Variants in DOCK3 observed in about 807,000 individuals in gnomAD.
DOCK3 encodes the protein dedicator of cytokinesis protein 3.
In DOCK3, 60 loss-of-function variants were observed where a neutral mutation model predicts 265.6. That is an observed-to-expected ratio of 0.23 (90% CI 0.18 to 0.28). The LOEUF is 0.28. DOCK3 is among the 10% of genes least tolerant of loss of function. The probability of loss-of-function intolerance (pLI) is 1.00; values close to 1 mark genes in which losing one functional copy is unlikely to be tolerated. For synonymous variants in DOCK3, 881 were observed against 938.0 expected, an observed-to-expected ratio of 0.94 and a Z score of 1.11; for missense variants, 1,981 against 2,594.3, an observed-to-expected ratio of 0.76 and a Z score of 5.14.
intron 5 of DOCK3, among the ~76,000 whole-genome samples, chr3:50,955,172 C>CA (rs921559313): frequency 1.3e-5 from 2 of 151,502 alleles, no homozygotes; most frequent in South Asian, 4.2e-4. Context: ...TTTAAAAAGT[C>CA]AAAAAAAAGT....
rs1226429570 is a variant in DOCK3 at position 51,017,475 on chromosome 3, CT to C, written c.316-46969del. On this transcript the variant is annotated intron_variant, in intron 5 of 52. Coordinates refer to ENST00000266037, the MANE Select transcript of DOCK3 (RefSeq NM_004947.5). ...GGGTTGTTTATTTAAAGCTTTTCTTCTTTTAGACATGGGTACTTGTAGCTAT... is the reference window on the plus strand; with the variant it reads ...GGGTTGTTTATTTAAAGCTTTTCTTCTTTAGACATGGGTACTTGTAGCTAT... Among the ~76,000 whole-genome samples the C allele has an allele frequency of 1.1e-4, 17 of 151,600 alleles. No homozygotes were observed. In the East Asian group the frequency reaches 3.3e-3, roughly 29 times the overall value.
At chr3:50,892,915 T>A (rs893351682) in intron 4 of DOCK3, among the ~76,000 whole-genome samples, 1 of 151,956 alleles carries the variant, frequency 6.6e-6, no homozygotes, top group African/African-American at 2.4e-5. Flanking sequence ...AAAGGAAGAA[T>A]GAAGCATACA....
At chr3:51,188,526 A>G (rs2087749231) in intron 12 of DOCK3, among the ~76,000 whole-genome samples, 1 of 152,154 alleles carries the variant, frequency 6.6e-6, no homozygotes, top group South Asian at 2.1e-4. Flanking sequence ...CAAACATTGA[A>G]TTTTATCCTC....
intron 3 of DOCK3, among the ~76,000 whole-genome samples, chr3:50,855,654 C>CTTATTTAT (rs562663180): frequency 1.3e-5 from 2 of 151,772 alleles, no homozygotes; most frequent in African/African-American, 4.8e-5. Flanking sequence ...CCTTTTATTT[C>CTTATTTAT]TTATTTATTT....
chr3:50,887,435 C>G (rs2048401596), intron 3 of DOCK3, among the ~76,000 whole-genome samples: 1 of 123,720 alleles, frequency 8.1e-6, no homozygotes, highest in South Asian at 3.1e-4. Context: ...ATCAGGGGTA[C>G]AAAGAGGAGC....
At chr3:51,185,465 C>T (rs918888803) in intron 12 of DOCK3, among the ~76,000 whole-genome samples, 4 of 152,128 alleles carry the variant, frequency 2.6e-5, no homozygotes, top group Non-Finnish European at 5.9e-5. Context: ...CCTGCAAGCA[C>T]CAAGTAATGA....
At chr3:50,760,764 A>G (rs1289824810) in intron 1 of DOCK3, among the ~76,000 whole-genome samples, 3 of 152,004 alleles carry the variant, frequency 2.0e-5, no homozygotes, top group Non-Finnish European at 4.4e-5. Flanking sequence ...TGCTACCTCT[A>G]ATAGTTTAAT....
At chr3:51,182,886 A>G (rs1282644670) in intron 12 of DOCK3, among the ~76,000 whole-genome samples, 3 of 152,190 alleles carry the variant, frequency 2.0e-5, no homozygotes, top group African/African-American at 7.2e-5. Context: ...CATGCTTTTA[A>G]TTTCTGCGGA....
At chr3:51,087,193 G>T (rs879543932) in intron 7 of DOCK3, among the ~76,000 whole-genome samples, 1 of 152,124 alleles carries the variant, frequency 6.6e-6, no homozygotes, top group Admixed American at 6.6e-5. Context: ...AGATGGGCCA[G>T]TATCCTTGAT....
intron 12 of DOCK3, among the ~76,000 whole-genome samples, chr3:51,176,861 T>C (rs1207442414): frequency 2.6e-5 from 4 of 152,200 alleles, no homozygotes; most frequent in Non-Finnish European, 4.4e-5. Context: ...ATGGGCATGC[T>C]GCATGCCATC....
intron 24 of DOCK3, 22 bp downstream of exon 24, chr3:51,271,029 G>A: frequency 6.2e-7 from 1 of 1,601,574 alleles, no homozygotes; most frequent in Non-Finnish European, 8.5e-7. Flanking sequence ...TGGGATGAGA[G>A]TCCTCCTTCC....
intron 3 of DOCK3, among the ~76,000 whole-genome samples, chr3:50,854,592 G>GTTTTTTTTTTTTTTTTTTTTTTTTT (rs71084118): frequency 4.2e-5 from 2 of 47,214 alleles, no homozygotes; most frequent in African/African-American, 8.5e-5. Context: ...CATCACACCA[G>GTTTTTTTTTTTTTTTTTTTTTTTTT]TTTTTTTTTT....
chr3:51,093,662 T>C (rs1453014358), intron 9 of DOCK3, among the ~76,000 whole-genome samples: 1 of 151,972 alleles, frequency 6.6e-6, no homozygotes, highest in African/African-American at 2.4e-5. Flanking sequence ...TTCCTTTATT[T>C]CTTTCTCTTG....
chr3:50,862,842 C>T (rs1472523663), intron 3 of DOCK3, among the ~76,000 whole-genome samples: 3 of 152,106 alleles, frequency 2.0e-5, no homozygotes, highest in East Asian at 1.9e-4. Flanking sequence ...CCAAGTGGCA[C>T]GGACTCACAT....
At chr3:50,732,679 G>A (rs2038299660) in intron 1 of DOCK3, among the ~76,000 whole-genome samples, 1 of 152,092 alleles carries the variant, frequency 6.6e-6, no homozygotes, top group African/African-American at 2.4e-5. Context: ...CCAAAGTGTT[G>A]GGATTACAGG....
At chr3:50,759,870 AAAT>A (rs1344305209) in intron 1 of DOCK3, among the ~76,000 whole-genome samples, 5 of 151,336 alleles carry the variant, frequency 3.3e-5, no homozygotes, top group African/African-American at 1.2e-4. Context: ...AAAAAAAAAA[AAAT>A]CTGTTTGTTT....
At chr3:51,241,440 G>T (rs529315094) in intron 21 of DOCK3, among the ~76,000 whole-genome samples, 1 of 152,148 alleles carries the variant, frequency 6.6e-6, no homozygotes, top group Non-Finnish European at 1.5e-5. Context: ...GGGGTTCTCC[G>T]CATTTCCTGA....
intron 38 of DOCK3, among the ~76,000 whole-genome samples, chr3:51,347,968 G>C (rs946993532): frequency 2.0e-5 from 3 of 152,192 alleles, no homozygotes; most frequent in African/African-American, 7.2e-5. Flanking sequence ...AGGAATGCTT[G>C]TGATTTTTGC....
At chr3:50,934,101 T>C in intron 5 of DOCK3, 24 bp downstream of exon 5, 1 of 1,524,262 alleles carries the variant, frequency 6.6e-7, no homozygotes, top group Non-Finnish European at 9.0e-7. Context: ...TACTGGTTTA[T>C]TGGATCATTA....
Sources: gnomAD v4.1 joint callset for allele counts (sites outside exome capture counted in the v4.1 genomes callset) on GRCh38, gnomAD v4.1.1 for gene constraint, MANE v1.5 for transcripts, NCBI Gene and HGNC (gene_info 2026-07-23, HGNC 2026-07-21) for gene names.